TTYH3: variants seen among roughly 807,000 people sequenced by gnomAD.
TTYH3 encodes the protein protein tweety homolog 3.
TTYH3 carries 23 observed loss-of-function variants against 68.2 expected under a neutral mutation model. The observed-to-expected ratio is 0.34, with a 90% CI of 0.24 to 0.48. TTYH3 has a LOEUF of 0.48. Ranked by LOEUF, TTYH3 falls within the 20% of genes least tolerant of loss-of-function variation. TTYH3 has a pLI of 0.99. For missense variants in TTYH3, 768 were observed against 727.7 expected (o/e 1.06, Z -0.64); for synonymous variants, 360 against 332.8 (o/e 1.08, Z -0.89).
intron 10 of TTYH3, 95 bp from the exon 11 acceptor site, chr7:2,656,303 G>C: frequency 1.3e-6 from 2 of 1,566,654 alleles, no homozygotes. Flanking sequence ...GCCTCTGGGG[G>C]GCGGTCCAGG....
At chr7:2,646,354 A>G (rs893396674) in intron 1 of TTYH3, among the ~76,000 whole-genome samples, 1 of 152,206 alleles carries the variant, frequency 6.6e-6, no homozygotes, top group African/African-American at 2.4e-5. Context: ...CCAGGCTCGG[A>G]GAGGTGGAGG....
intron 1 of TTYH3, 105 bp from the exon 2 acceptor site, chr7:2,646,748 G>T: frequency 7.9e-7 from 1 of 1,267,230 alleles, no homozygotes; most frequent in Non-Finnish European, 1.1e-6. Context: ...CCAGGGCTGG[G>T]GGCAGGATTA....
Position 2,661,726 on chromosome 7 carries a change from G to A in TTYH3, c.1559G>A (p.Ser520Asn). Residue 520 changes from serine (S) to asparagine (N), a missense_variant, in exon 14 of 14, where the codon AGC (serine) becomes AAC (asparagine). Physicochemically the swap from Ser to Asn is conservative, Grantham distance 46. Coordinates refer to ENST00000258796, the MANE Select transcript of TTYH3 (RefSeq NM_025250.3). ...ACGAGCCAGCCTCGCCCTGACTCCA[G>A]CGGCAGCCACTAGACCGCGCCCGGC... ...LATSQPRPDS[S>N]GSH 6.2e-7 allele frequency: 1 copy of A among 1,610,430 alleles called. No homozygotes were observed. The highest frequency in any genetic ancestry group is 8.5e-7 in the Non-Finnish European group (1 of 1,179,222).
intron 7 of TTYH3, among the ~76,000 whole-genome samples, chr7:2,651,106 A>T (rs567773817): frequency 6.6e-6 from 1 of 152,200 alleles, no homozygotes; most frequent in South Asian, 2.1e-4. Flanking sequence ...GCACAGAGGC[A>T]GGTGGACGTG....
At chr7:2,652,788 C>T (rs1240900427) in intron 8 of TTYH3, 130 bp from the exon 9 acceptor site, 2 of 724,018 alleles carry the variant, frequency 2.8e-6, no homozygotes, top group East Asian at 2.7e-5. Context: ...CCCTGTTGGC[C>T]TGCAGAGCAG....
rs763141261 is a variant in TTYH3 at position 2,649,921 on chromosome 7, C to T, written c.804C>T (p.Ser268=). The T allele has an allele frequency of 3.3e-5, 53 of 1,613,786 alleles. No homozygotes were observed. The East Asian group carries it at 6.7e-4, about 20-fold the overall frequency. Residue 268 remains serine (S), a synonymous_variant, in exon 7 of 14, where the codon AGC becomes AGT. Transcript: ENST00000258796. ...GLELAVSVGS[S]DFCVDPDAYV... The stretch of plus-strand genomic sequence containing the variant: ...GCCCACGCCCACCTCAGGGCTCCAG[C>T]GACTTCTGTGTGGACCCTGACGCCT...
chr7:2,656,662 C>CTGGGACTGGCACATGG, intron 11 of TTYH3, 128 bp downstream of exon 11: 6 of 1,177,064 alleles, frequency 5.1e-6, no homozygotes, highest in Non-Finnish European at 6.9e-6. Flanking sequence ...CTCCTCACCT[C>CTGGGACTGGCACATGG]GTGACCCTCC....
intron 11 of TTYH3, 27 bp downstream of exon 11, chr7:2,656,561 G>A (rs1786342062): frequency 6.3e-7 from 1 of 1,590,940 alleles, no homozygotes; most frequent in African/African-American, 1.4e-5. Context: ...GGTCGCAGGA[G>A]CTTGCCCCAG....
chr7:2,642,237 A>AT (rs145564702), intron 1 of TTYH3, among the ~76,000 whole-genome samples: 2 of 152,034 alleles, frequency 1.3e-5, no homozygotes, highest in African/African-American at 4.8e-5. Context: ...TTTACAAAAA[A>AT]TTTTTTTAAA....
rs1786564919 is a variant in TTYH3 at position 2,664,311 on chromosome 7, GC to G, written c.*2574del. On this transcript the variant is annotated 3_prime_UTR_variant, in exon 14 of 14. Transcript: ENST00000258796. The stretch of plus-strand genomic sequence containing the variant: ...AAGCAACATTTGCTCCTGCCCTGGG[GC>G]CAGCTCTGCCCCAGCCCTGAGAGGG... 1 of 152,674 alleles carries G rather than the reference GC, an allele frequency of 6.5e-6. No individual in the cohort carries two copies. The highest frequency in any genetic ancestry group is 2.1e-4 in the South Asian group (1 of 4,836). 9.5% of individuals were successfully genotyped at this position (152,674 alleles called of 1,614,324 possible).
intron 13 of TTYH3, chr7:2,659,972 C>G (rs1273999279): frequency 7.7e-7 from 1 of 1,303,914 alleles, no homozygotes; most frequent in African/African-American, 1.5e-5. Context: ...CTGGCAGCCA[C>G]GCGGGCTGGC....
At chr7:2,644,772 G>C (rs1785936892) in intron 1 of TTYH3, among the ~76,000 whole-genome samples, 2 of 152,208 alleles carry the variant, frequency 1.3e-5, no homozygotes, top group African/African-American at 4.8e-5. Flanking sequence ...GTGCCGGGCT[G>C]GTCAGCACCT....
In TTYH3 at chr7:2,644,833, G is replaced by A. The variant is rs368076458; in HGVS notation, c.124-2020G>A. 4.1e-4 allele frequency among the ~76,000 whole-genome samples: 62 copies of A among 152,296 alleles called. 1 individual carries two copies. In the South Asian group the frequency reaches 0.011, roughly 26 times the overall value. On this transcript the variant is annotated intron_variant, in intron 1 of 13. Transcript: ENST00000258796. ...CCGCCTTCGGGTGTGGACGTCGGCC[G>A]GCTTCCTGGAGGGCAGGACACGGCA...
intron 9 of TTYH3, among the ~76,000 whole-genome samples, chr7:2,654,335 CA>C (rs1786274038): frequency 6.6e-6 from 1 of 152,094 alleles, no homozygotes; most frequent in Non-Finnish European, 1.5e-5. Flanking sequence ...TTCAAAGCTG[CA>C]GTGAGCTGTG....
chr7:2,664,304 C>T lies in TTYH3; in HGVS notation c.*2565C>T, dbSNP rs1014745472. On this transcript the variant is annotated 3_prime_UTR_variant, in exon 14 of 14. Transcript: ENST00000258796. ...GAGTTCCAAGCAACATTTGCTCCTG[C>T]CCTGGGGCCAGCTCTGCCCCAGCCC... The T allele has an allele frequency of 6.6e-6, 1 of 152,660 alleles. No individual in the cohort carries two copies. Among genetic ancestry groups the T allele is most frequent in the African/African-American group, 2.4e-5 (1 of 41,430 alleles). The allele number at this position is 152,660 out of a possible 1,614,324, so 9.5% of individuals were successfully genotyped here. A position where few individuals can be genotyped will look rare whatever the true frequency, so the allele number is the denominator to read the frequency against.
At chr7:2,649,770 TG>T in intron 6 of TTYH3, 131 bp downstream of exon 6, 2 of 1,421,564 alleles carry the variant, frequency 1.4e-6, no homozygotes, top group African/African-American at 1.4e-5. Flanking sequence ...GGACCCACCA[TG>T]GGCACAGTCC....
At chr7:2,644,321 G>A (rs1431860296) in intron 1 of TTYH3, among the ~76,000 whole-genome samples, 1 of 152,160 alleles carries the variant, frequency 6.6e-6, no homozygotes, top group African/African-American at 2.4e-5. Context: ...GCAGACCCAG[G>A]GAGCCCCAGA....
rs767417428 is a variant in TTYH3 at position 2,656,434 on chromosome 7, G to T, written c.1150G>T (p.Gly384Cys). 6.2e-7 allele frequency: 1 copy of T among 1,611,692 alleles called. No individual in the cohort carries two copies. Among genetic ancestry groups the T allele is most frequent in the Non-Finnish European group, 8.5e-7 (1 of 1,179,754 alleles). The change falls in exon 11 of 14, where the codon GGC (glycine) becomes TGC (cysteine). Residue 384 changes from glycine (G) to cysteine (C), a missense_variant. By Grantham distance (159) the Gly-to-Cys change is radical. Coordinates refer to ENST00000258796, the MANE Select transcript of TTYH3 (RefSeq NM_025250.3). ...AGCGCTGACCGGCTTCTGCTATGACGGCGTGGAGGGCCTCATCTACCTGGC... is the reference window on the plus strand; with the variant it reads ...AGCGCTGACCGGCTTCTGCTATGACTGCGTGGAGGGCCTCATCTACCTGGC... ...VQALTGFCYD[G>C]VEGLIYLALF...
intron 1 of TTYH3, among the ~76,000 whole-genome samples, chr7:2,632,901 G>A (rs745613997): frequency 1.8e-4 from 27 of 152,214 alleles, no homozygotes; most frequent in Non-Finnish European, 1.0e-4. Flanking sequence ...ACAGGGTGCC[G>A]TGTGTGGCCG....
Sources: allele counts gnomAD v4.1 joint callset (sites outside exome capture counted in the v4.1 genomes callset), GRCh38; gene constraint gnomAD v4.1.1; transcripts MANE v1.5; gene names NCBI Gene and HGNC (gene_info 2026-07-23, HGNC 2026-07-21).